MAGI1: variants seen among roughly 807,000 people sequenced by gnomAD.
MAGI1 encodes the protein membrane associated guanylate kinase, WW and PDZ domain containing 1, also known as membrane-associated guanylate kinase, WW and PDZ domain-containing protein 1.
In MAGI1, 58 loss-of-function variants were observed where a neutral mutation model predicts 139.9. That is an observed-to-expected ratio of 0.41 (90% confidence interval 0.34 to 0.52). MAGI1 has a LOEUF of 0.52. Among genes scored for constraint, MAGI1 ranks in the 20% least tolerant of loss-of-function variants. The probability of loss-of-function intolerance (pLI) is 0.12; values close to 1 mark genes in which losing one functional copy is unlikely to be tolerated. For missense variants in MAGI1, 1,874 were observed against 1,901.6 expected, an observed-to-expected ratio of 0.99 and a Z score of 0.27; for synonymous variants, 812 against 737.9, an observed-to-expected ratio of 1.10 and a Z score of -1.63.
intron 1 of MAGI1, among the ~76,000 whole-genome samples, chr3:65,800,700 A>C (rs2040461947): frequency 1.3e-5 from 2 of 152,190 alleles, no homozygotes; most frequent in South Asian, 4.1e-4. Context: ...GTGATAGCAA[A>C]AACTAAAACT....
At chr3:65,922,847 G>A (rs948336533) in intron 1 of MAGI1, among the ~76,000 whole-genome samples, 3 of 152,166 alleles carry the variant, frequency 2.0e-5, no homozygotes, top group East Asian at 1.9e-4. Flanking sequence ...AACCACTGGC[G>A]TATTTCCTGC....
intron 8 of MAGI1, among the ~76,000 whole-genome samples, chr3:65,441,335 G>GT: frequency 6.6e-6 from 1 of 152,120 alleles, no homozygotes; most frequent in Non-Finnish European, 1.5e-5. Flanking sequence ...AGAACTCTAA[G>GT]TTTTTTAAAA....
At chr3:65,400,508 T>C (rs1395142104) in intron 13 of MAGI1, among the ~76,000 whole-genome samples, 1 of 152,082 alleles carries the variant, frequency 6.6e-6, no homozygotes, top group Non-Finnish European at 1.5e-5. Flanking sequence ...CTAAACCACA[T>C]GGAAACATCC....
intron 1 of MAGI1, among the ~76,000 whole-genome samples, chr3:65,819,188 GC>G (rs2041792845): frequency 6.6e-6 from 1 of 152,146 alleles, no homozygotes; most frequent in Non-Finnish European, 1.5e-5. Context: ...GGAGGCTGAA[GC>G]AGGAGAATCA....
At chr3:65,744,649 C>A (rs766391084) in intron 1 of MAGI1, among the ~76,000 whole-genome samples, 3 of 151,434 alleles carry the variant, frequency 2.0e-5, no homozygotes, top group Admixed American at 6.6e-5. Context: ...ACTCTAGGAT[C>A]CTAATTTCAA....
At chr3:65,675,240 C>T (rs1451124715) in intron 1 of MAGI1, among the ~76,000 whole-genome samples, 1 of 152,054 alleles carries the variant, frequency 6.6e-6, no homozygotes, top group East Asian at 1.9e-4. Context: ...TCCATATGTT[C>T]GGAGTTTCAA....
chr3:65,887,238 A>C (rs888445223), intron 1 of MAGI1, among the ~76,000 whole-genome samples: 3 of 152,120 alleles, frequency 2.0e-5, no homozygotes, highest in Non-Finnish European at 4.4e-5. Flanking sequence ...TAGGTTGAGA[A>C]CAGAAGGAGA....
intron 2 of MAGI1, among the ~76,000 whole-genome samples, chr3:65,560,856 G>A (rs2080312050): frequency 6.6e-6 from 1 of 152,142 alleles, no homozygotes. Flanking sequence ...GTCCAGATGG[G>A]AACTACTACA....
intron 1 of MAGI1, among the ~76,000 whole-genome samples, chr3:65,964,605 G>A (rs189366354): frequency 2.6e-4 from 39 of 152,154 alleles, no homozygotes; most frequent in Non-Finnish European, 4.7e-4. Flanking sequence ...AGTTATCACC[G>A]GTGAGTATGT....
At chr3:65,394,596 T>A (rs1944232819) in intron 13 of MAGI1, among the ~76,000 whole-genome samples, 1 of 152,102 alleles carries the variant, frequency 6.6e-6, no homozygotes, top group Admixed American at 6.6e-5. Flanking sequence ...ACTCATTAAT[T>A]TGAAGACATA....
chr3:65,855,299 G>T (rs1263192431), intron 1 of MAGI1, among the ~76,000 whole-genome samples: 1 of 151,902 alleles, frequency 6.6e-6, no homozygotes, highest in Non-Finnish European at 1.5e-5. Flanking sequence ...GGAGGAAAGG[G>T]CTTGGTGCGA....
intron 2 of MAGI1, among the ~76,000 whole-genome samples, chr3:65,512,869 A>C (rs932079666): frequency 6.6e-6 from 1 of 151,674 alleles, no homozygotes; most frequent in Non-Finnish European, 1.5e-5. Flanking sequence ...AGAATTTTAG[A>C]CCAATATCCT....
intron 3 of MAGI1, among the ~76,000 whole-genome samples, chr3:65,492,810 T>C (rs948154244): frequency 1.3e-5 from 2 of 152,096 alleles, no homozygotes; most frequent in African/African-American, 4.8e-5. Flanking sequence ...TTTAAAATAA[T>C]TTGCTTTCCT....
At chr3:65,509,189 C>G (rs2077438706) in intron 2 of MAGI1, among the ~76,000 whole-genome samples, 1 of 152,052 alleles carries the variant, frequency 6.6e-6, no homozygotes, top group Non-Finnish European at 1.5e-5. Flanking sequence ...ACAAAACAAT[C>G]AAAATAAACA....
chr3:65,364,977 A>G (rs1292055614), intron 18 of MAGI1, 31 bp from the exon 19 acceptor site: 2 of 1,578,050 alleles, frequency 1.3e-6, no homozygotes, highest in South Asian at 1.1e-5. Flanking sequence ...TAAAGAAATG[A>G]AGACCCCAGA....
At chr3:65,801,751 T>C (rs573759955) in intron 1 of MAGI1, among the ~76,000 whole-genome samples, 5 of 152,268 alleles carry the variant, frequency 3.3e-5, no homozygotes, top group Admixed American at 6.5e-5. Flanking sequence ...AGAAAATGCA[T>C]AGAAACAAAA....
At chr3:65,972,235 T>C (rs1185838425) in intron 1 of MAGI1, among the ~76,000 whole-genome samples, 1 of 152,286 alleles carries the variant, frequency 6.6e-6, no homozygotes, top group African/African-American at 2.4e-5. Context: ...GAGAAGACCG[T>C]GGAAAGAGGT....
intron 1 of MAGI1, among the ~76,000 whole-genome samples, chr3:66,031,775 C>T (rs73125771): frequency 0.081 from 7,996 of 98,548 alleles, 323 homozygotes; most frequent in Non-Finnish European, 0.13. Context: ...ATCTGATTTG[C>T]TATTAGCCAA....
At chr3:65,903,746 A>G (rs2108634396) in intron 1 of MAGI1, among the ~76,000 whole-genome samples, 1 of 152,194 alleles carries the variant, frequency 6.6e-6, no homozygotes, top group South Asian at 2.1e-4. Flanking sequence ...AGTGGCTCAC[A>G]CCTGTAATCC....
Sources: gnomAD v4.1 joint callset for allele counts (sites outside exome capture counted in the v4.1 genomes callset) on GRCh38, gnomAD v4.1.1 for gene constraint, MANE v1.5 for transcripts, NCBI Gene and HGNC (gene_info 2026-07-23, HGNC 2026-07-21) for gene names.